Variants in NFATC1 observed in about 807,000 individuals in gnomAD.
NFATC1 encodes the protein nuclear factor of activated T-cells, cytoplasmic 1.
NFATC1 carries 22 observed loss-of-function variants against 76.0 expected under a neutral mutation model. That is an observed-to-expected ratio of 0.29 (90% CI 0.21 to 0.41). The LOEUF is 0.41. Among genes scored for constraint, NFATC1 ranks in the 10% least tolerant of loss-of-function variants. The pLI is 1.00. For missense variants in NFATC1, 1,357 were observed against 1,337.7 expected (o/e 1.01, Z -0.23); for synonymous variants, 704 against 613.1 (o/e 1.15, Z -2.19).
At chr18:79,477,815 A>C in intron 8 of NFATC1, among the ~76,000 whole-genome samples, 1 of 152,170 alleles carries the variant, frequency 6.6e-6, no homozygotes, top group Non-Finnish European at 1.5e-5. Flanking sequence ...TCCAAGTTGC[A>C]GACAGCCAAA....
chr18:79,478,648 T>C (rs1368157080), intron 8 of NFATC1, among the ~76,000 whole-genome samples: 1 of 152,198 alleles, frequency 6.6e-6, no homozygotes, highest in Admixed American at 6.5e-5. Flanking sequence ...TGGCGGGGGC[T>C]TTGGGAGGGG....
At chr18:79,432,677 C>T (rs538714225) in intron 2 of NFATC1, among the ~76,000 whole-genome samples, 9 of 152,326 alleles carry the variant, frequency 5.9e-5, no homozygotes, top group South Asian at 4.1e-4. Flanking sequence ...GTGGTGCCTG[C>T]GTGGATGGTG....
intron 9 of NFATC1, chr18:79,527,248 C>T (rs974397899): frequency 1.6e-5 from 6 of 375,218 alleles, no homozygotes; most frequent in African/African-American, 8.1e-5. Flanking sequence ...CCCAGCATCG[C>T]GGCCGGCACC....
At chr18:79,439,163 G>C (rs908572189) in intron 3 of NFATC1, among the ~76,000 whole-genome samples, 1 of 152,144 alleles carries the variant, frequency 6.6e-6, no homozygotes, top group Non-Finnish European at 1.5e-5. Flanking sequence ...CCTCATCCAC[G>C]CTTTCTTAAG....
intron 3 of NFATC1, among the ~76,000 whole-genome samples, chr18:79,440,130 C>T (rs931004209): frequency 1.6e-4 from 25 of 152,252 alleles, no homozygotes; most frequent in East Asian, 9.6e-4. Context: ...ACAGGAAATA[C>T]GAGGCGCATG....
chr18:79,419,458 C>T (rs2085992287), intron 2 of NFATC1, among the ~76,000 whole-genome samples: 4 of 134,328 alleles, frequency 3.0e-5, no homozygotes, highest in South Asian at 2.3e-4. Context: ...CCTAGGAGGG[C>T]CGGCACCTGC....
intron 2 of NFATC1, among the ~76,000 whole-genome samples, chr18:79,413,840 G>A (rs867831866): frequency 1.1e-4 from 17 of 152,262 alleles, no homozygotes; most frequent in African/African-American, 3.4e-4. Flanking sequence ...ATGGGTGGCT[G>A]TTTATTTTTT....
At chr18:79,520,856 T>G (rs1600999979) in intron 9 of NFATC1, among the ~76,000 whole-genome samples, 1 of 13,998 alleles carries the variant, frequency 7.1e-5, no homozygotes. Flanking sequence ...TGTCTGTGTA[T>G]GTGTGGGGGG....
At chr18:79,519,961 A>G (rs76389821) in intron 9 of NFATC1, among the ~76,000 whole-genome samples, 4,533 of 152,290 alleles carry the variant, frequency 0.03, 85 homozygotes, top group Middle Eastern at 0.044. Flanking sequence ...GACGGGCGAG[A>G]TAAGTGGCAT....
intron 1 of NFATC1, among the ~76,000 whole-genome samples, chr18:79,405,105 C>G (rs529617737): frequency 6.6e-6 from 1 of 152,182 alleles, no homozygotes. Flanking sequence ...TCCTAGCACC[C>G]CCAAACCACC....
chr18:79,441,972 C>T (rs891399046), intron 3 of NFATC1, among the ~76,000 whole-genome samples: 5 of 152,244 alleles, frequency 3.3e-5, no homozygotes, highest in Admixed American at 2.6e-4. Flanking sequence ...CTTCCAGGTG[C>T]GTTGGGGCCC....
chr18:79,452,237 C>G (rs1052023294), intron 6 of NFATC1: 1 of 156,640 alleles, frequency 6.4e-6, no homozygotes, highest in Non-Finnish European at 1.4e-5. Flanking sequence ...CGCCAGCATT[C>G]CTGGGGTCGG....
chr18:79,475,460 T>C (rs2089025743), intron 8 of NFATC1, among the ~76,000 whole-genome samples: 1 of 150,212 alleles, frequency 6.7e-6, no homozygotes, highest in Admixed American at 6.6e-5. Context: ...ACTGTCAACG[T>C]TGTGAGGGAA....
chr18:79,428,248 A>G (rs2086467626), intron 2 of NFATC1, among the ~76,000 whole-genome samples: 1 of 152,184 alleles, frequency 6.6e-6, no homozygotes, highest in Admixed American at 6.5e-5. Flanking sequence ...TAGAAGTTTT[A>G]CCGCTGCTGG....
Position 79,465,992 on chromosome 18 carries a change from C to T in NFATC1, c.1960-1458C>T, listed in dbSNP as rs2144915439. ...GGAAGACGCCCATGTGCCATGGCTT[C>T]TGCTTCTTCCCAATGAACTGCAGTT... On this transcript the variant is annotated intron_variant, in intron 7 of 9. Coordinates refer to ENST00000427363, the MANE Select transcript of NFATC1 (RefSeq NM_001278669.2). This position sits in a 1 kb window ranked among gnomAD's most constrained non-coding sequence, Gnocchi z 4.2. 6.6e-6 allele frequency among the ~76,000 whole-genome samples: 1 copy of T among 152,354 alleles called. No homozygotes were observed. The highest frequency in any genetic ancestry group is 2.1e-4 in the South Asian group (1 of 4,832).
chr18:79,467,432 T>C lies in NFATC1; in HGVS notation c.1960-18T>C. Reference sequence around the variant, plus strand: ...TGCCCGGTGCTGATTGTGCCTCCTGTGTGCCCTTCTCCTGTAGAATTCTCT... The same window carrying C: ...TGCCCGGTGCTGATTGTGCCTCCTGCGTGCCCTTCTCCTGTAGAATTCTCT... On this transcript the variant is annotated intron_variant, in intron 7 of 9. Transcript: ENST00000427363. The C allele has an allele frequency of 6.4e-7, 1 of 1,571,044 alleles. No individual in the cohort carries two copies. Among genetic ancestry groups the C allele is most frequent in the South Asian group, 1.2e-5 (1 of 86,888 alleles).
At chr18:79,444,687 G>A (rs889437423) in intron 3 of NFATC1, among the ~76,000 whole-genome samples, 6 of 152,004 alleles carry the variant, frequency 3.9e-5, no homozygotes, top group Non-Finnish European at 7.4e-5. Context: ...CCACGTGCCC[G>A]ACCCCGCAGA....
intron 8 of NFATC1, among the ~76,000 whole-genome samples, chr18:79,480,721 C>T (rs140476363): frequency 1.3e-5 from 2 of 152,340 alleles, no homozygotes; most frequent in East Asian, 1.9e-4. Flanking sequence ...CATAGCCGGC[C>T]TTGGCCCGTG....
intron 1 of NFATC1, 22 bp downstream of exon 1, chr18:79,396,373 C>T (rs1364037747): frequency 2.3e-5 from 29 of 1,266,360 alleles, no homozygotes; most frequent in African/African-American, 6.3e-5. Flanking sequence ...GCGGCCTCCG[C>T]CCCCGGACCC....
Sources: gnomAD v4.1 joint callset for allele counts (sites outside exome capture counted in the v4.1 genomes callset) on GRCh38, gnomAD v4.1.1 for gene constraint, Gnocchi (gnomAD v3.1) non-coding constraint, MANE v1.5 for transcripts, NCBI Gene and HGNC (gene_info 2026-07-23, HGNC 2026-07-21) for gene names.